CPSF1: variants seen among roughly 807,000 people sequenced by gnomAD.
CPSF1 encodes cleavage and polyadenylation specific factor 1, also known as cleavage and polyadenylation specificity factor subunit 1.
CPSF1 carries 106 observed loss-of-function variants against 175.8 expected under a neutral mutation model. The observed-to-expected ratio is 0.60, with a 90% confidence interval of 0.52 to 0.71. CPSF1 has a LOEUF of 0.71. CPSF1 is among the 30% of genes least tolerant of loss of function. The pLI is 0.00. For missense variants in CPSF1, 1,734 were observed against 2,022.9 expected (o/e 0.86, Z 2.74); for synonymous variants, 1,024 against 858.3 (o/e 1.19, Z -3.37).
chr8:144,408,336 T>C (rs2116910721), intron 2 of CPSF1, among the ~76,000 whole-genome samples: 4 of 152,108 alleles, frequency 2.6e-5, no homozygotes, highest in Non-Finnish European at 5.9e-5. Flanking sequence ...GGGTAAGAGG[T>C]ACTCCTCCCT....
rs1586604263 is a variant in CPSF1, at chr8:144,393,265, A to T, written c.*53T>A. 1 of 1,450,656 alleles carries T rather than the reference A, an allele frequency of 6.9e-7. No individual in the cohort carries two copies. The highest frequency in any genetic ancestry group is 2.5e-5 in the East Asian group (1 of 40,008). 89.9% of individuals were successfully genotyped at this position (1,450,656 alleles called of 1,614,324 possible). ...AAATGTTTTTCCTTGTGTTTTGTAC[A>T]AAAAGGGGGTGGGAGGTAGTTCCGT... On this transcript the variant is annotated 3_prime_UTR_variant, in exon 38 of 38. Transcript: ENST00000616140.
At chr8:144,403,695 G>A (rs1360637299) in intron 2 of CPSF1, among the ~76,000 whole-genome samples, 1 of 143,834 alleles carries the variant, frequency 7.0e-6, no homozygotes, top group East Asian at 2.2e-4. Flanking sequence ...TGGGATTACA[G>A]GCATGTGCTA....
Position 144,400,090 on chromosome 8 carries a change from G to T in CPSF1, c.938-5C>A, listed in dbSNP as rs2116869980. ...TCCGCACACCCTCCTGGGTGCCTGT[G>T]GGGTGGGTGGTCAGGCCGACTAGGC... On this transcript the variant is annotated splice_polypyrimidine_tract_variant and splice_region_variant and intron_variant, in intron 9 of 37. Coordinates refer to ENST00000616140, the MANE Select transcript of CPSF1 (RefSeq NM_013291.3). The T allele has an allele frequency of 1.2e-6, 2 of 1,610,750 alleles. No homozygotes were observed. The highest frequency in any genetic ancestry group is 1.7e-6 in the Non-Finnish European group (2 of 1,179,234).
At position 144,401,058 on chromosome 8, in the gene CPSF1, A is replaced by G. The variant is rs1821174216; in HGVS notation, c.405T>C (p.Asn135=). The change falls in exon 6 of 38, where the codon AAT becomes AAC. Residue 135 remains asparagine, a synonymous_variant. Coordinates refer to ENST00000616140, the MANE Select transcript of CPSF1 (RefSeq NM_013291.3). The part of the protein sequence containing the change: ...EPELRDGFVQ[N]VHTPRVRVDP... ...CCACCCGCACTCGCGGCGTGTGTAC[A>G]TTCTGCACAAACCCGTCCTGGGGGC... The G allele has an allele frequency of 3.1e-6, 5 of 1,607,444 alleles. No homozygotes were observed. The highest frequency in any genetic ancestry group is 1.3e-5 in the African/African-American group (1 of 74,946).
intron 30 of CPSF1, 23 bp downstream of exon 30, chr8:144,394,859 G>A (rs374391037): frequency 2.9e-5 from 47 of 1,611,530 alleles, no homozygotes; most frequent in African/African-American, 5.3e-5. Flanking sequence ...GCCAGTTCCC[G>A]CCCCCGCTCA....
In CPSF1 at chr8:144,400,296, G is replaced by C; in HGVS notation, c.827-20C>G. 6.2e-7 allele frequency: 1 copy of C among 1,609,034 alleles called. No individual in the cohort carries two copies. The highest frequency in any genetic ancestry group is 8.5e-7 in the Non-Finnish European group (1 of 1,176,378). ...CCCCACCTGGAGGTGGACACAGGCT[G>C]GTGGGCAGGCTCAGTGCTCTCTCCA... On this transcript the variant is annotated intron_variant, in intron 8 of 37. Coordinates refer to ENST00000616140, the MANE Select transcript of CPSF1 (RefSeq NM_013291.3).
At chr8:144,406,233 C>T (rs186369893) in intron 2 of CPSF1, among the ~76,000 whole-genome samples, 64 of 152,334 alleles carry the variant, frequency 4.2e-4, no homozygotes, top group Admixed American at 2.9e-3. Flanking sequence ...CTTCAGTTTA[C>T]GCACATCTCC....
In CPSF1 at chr8:144,397,191, G is replaced by A. The variant is rs1481457574; in HGVS notation, c.2592+16C>T. On this transcript the variant is annotated intron_variant, in intron 23 of 37. Transcript: ENST00000616140. The stretch of plus-strand genomic sequence containing the variant: ...GGGGGAAGATGGGAAGGGGAGGCCA[G>A]GCCAGGCGCACTCACCAGCAGGTAG... 1.3e-6 allele frequency: 2 copies of A among 1,526,854 alleles called. No homozygotes were observed. The highest frequency in any genetic ancestry group is 2.8e-5 in the African/African-American group (2 of 72,708). 94.6% of individuals were successfully genotyped at this position (1,526,854 alleles called of 1,614,324 possible). A position where few individuals can be genotyped will look rare whatever the true frequency, so the allele number is the denominator to read the frequency against.
In CPSF1 at chr8:144,393,341, C is replaced by A; in HGVS notation, c.4309G>T (p.Asp1437Tyr). Residue 1437 changes from aspartate (D) to tyrosine (Y), a missense_variant, in exon 38 of 38, where the codon GAC (aspartate) becomes TAC (tyrosine). Physicochemically the swap from Asp to Tyr is radical, Grantham distance 160. Around this residue, in one of 10 missense-constraint regions of CPSF1, gnomAD observed 323 missense variants for 338.5 expected, o/e 0.95. Coordinates refer to ENST00000616140, the MANE Select transcript of CPSF1 (RefSeq NM_013291.3). ...GGCTAGAAGTGGGCGGTGACGCGGT[C>A]CGTCTCCAGCAAGTCGTCCAGGATC... ...DIILDDLLET[D>Y]RVTAHF is the part of the protein sequence containing the mutation. The A allele has an allele frequency of 6.7e-7, 1 of 1,490,416 alleles. No homozygotes were observed. The highest frequency in any genetic ancestry group is 1.3e-5 in the South Asian group (1 of 75,326). 92.3% of individuals were successfully genotyped at this position (1,490,416 alleles called of 1,614,324 possible).
In CPSF1 at chr8:144,400,810, A is replaced by AC; in HGVS notation, c.546dup (p.Ser183ValfsTer40). 1 of 1,613,542 alleles carries AC rather than the reference A, an allele frequency of 6.2e-7. No homozygotes were observed. The highest frequency in any genetic ancestry group is 8.5e-7 in the Non-Finnish European group (1 of 1,179,902). On this transcript the variant is annotated frameshift_variant, in exon 7 of 38. Transcript: ENST00000616140. LOFTEE classifies it high-confidence loss of function. ...ATGATGTAGCTGGGCAGGAAGCTGG[A>AC]CCTCTGCCTGGGGGGCCAGGGGCTT...
At chr8:144,407,495 AAT>A (rs1181262509) in intron 2 of CPSF1, among the ~76,000 whole-genome samples, 1 of 152,088 alleles carries the variant, frequency 6.6e-6, no homozygotes, top group Non-Finnish European at 1.5e-5. Context: ...CAGCCTGGCC[AAT>A]GTGGCGAAAC....
chr8:144,406,785 A>G (rs1057211337), intron 2 of CPSF1, among the ~76,000 whole-genome samples: 1 of 152,112 alleles, frequency 6.6e-6, no homozygotes, highest in African/African-American at 2.4e-5. Context: ...ACCTCAGCCA[A>G]TCTACGGTGG....
In CPSF1 at chr8:144,399,222, A is replaced by G; in HGVS notation, c.1393-20T>C. 1.2e-6 allele frequency: 2 copies of G among 1,611,428 alleles called. No homozygotes were observed. The highest frequency in any genetic ancestry group is 1.7e-6 in the Non-Finnish European group (2 of 1,179,444). On this transcript the variant is annotated intron_variant, in intron 14 of 37. Transcript: ENST00000616140. The surrounding 1 kb of genome is among the most constrained non-coding windows in gnomAD (Gnocchi z 6.4). ...ACACACCTGCGGCACAGCAAGAGTC[A>G]GGGGCCCGCTGGGGGCGCTGGCTGG...
chr8:144,394,382 C>T lies in CPSF1; in HGVS notation c.3741G>A (p.Ser1247=), dbSNP rs144427195. 96 of 1,603,274 alleles carry T rather than the reference C, an allele frequency of 6.0e-5. No individual in the cohort carries two copies. In the South Asian group the frequency reaches 7.9e-4, roughly 13 times the overall value. ...QEESKTLSLV[S]RDAKPLEVYS... ...AGCACCGCCGCCACAGGTGTACCCG[C>T]GACACCAGGCTCAGCGTCTTGCTTT... The change falls in exon 32 of 38, where the codon TCG becomes TCA. Residue 1247 remains serine (S), a synonymous_variant. Coordinates refer to ENST00000616140, the MANE Select transcript of CPSF1 (RefSeq NM_013291.3).
rs923716907 is a variant in CPSF1 at position 144,397,241 on chromosome 8, G to A, written c.2558C>T (p.Ala853Val). The change falls in exon 23 of 38, where the codon GCG (alanine) becomes GTG (valine). Residue 853 changes from alanine to valine, a missense_variant. Physicochemically the swap from Ala to Val is moderately conservative, Grantham distance 64. This residue lies in a region of CPSF1 where 585 missense variants were observed against 584.7 expected (regional missense o/e 1.00). Coordinates refer to ENST00000616140, the MANE Select transcript of CPSF1 (RefSeq NM_013291.3). ...GGGCCTGCTCTGGCGGCTGCCCAGCGCCACCAGCAGCACCTCCTTGACGAG... is the reference window on the plus strand; with the variant it reads ...GGGCCTGCTCTGGCGGCTGCCCAGCACCACCAGCAGCACCTCCTTGACGAG... ...LPLVKEVLLV[A>V]LGSRQSRPYL... 25 of 1,548,994 alleles carry A rather than the reference G, an allele frequency of 1.6e-5. No individual in the cohort carries two copies. Among genetic ancestry groups the A allele is most frequent in the Admixed American group, 5.8e-5 (3 of 51,458 alleles).
In CPSF1 at chr8:144,397,872, T is replaced by C. The variant is rs1246770693; in HGVS notation, c.2081A>G (p.Lys694Arg). The C allele has an allele frequency of 1.9e-5, 31 of 1,607,024 alleles. No individual in the cohort carries two copies. In the East Asian group the frequency reaches 6.9e-4, roughly 36 times the overall value. Reference sequence around the variant, plus strand: ...TCGGTACAGGCACAGCGTAATCACCTTGGACTGCTGCGGGGAGAGGGGTGG... The same window carrying C: ...TCGGTACAGGCACAGCGTAATCACCCTGGACTGCTGCGGGGAGAGGGGTGG... ...LHKPPLHHQS[K>R]VITLCLYRDL... Residue 694 changes from lysine (K) to arginine (R), a missense_variant, in exon 21 of 38, where the codon AAG (lysine) becomes AGG (arginine). Transcript: ENST00000616140.
rs782075790 is a variant in CPSF1 at position 144,393,811 on chromosome 8, G to T, written c.4016-15C>A. 1 of 1,600,764 alleles carries T rather than the reference G, an allele frequency of 6.2e-7. No homozygotes were observed. The highest frequency in any genetic ancestry group is 1.3e-5 in the African/African-American group (1 of 74,966). ...GTCCAGGGTGGCTGGCAGGGGTAGG[G>T]TGAGGGTTTTGGTGTGAGCCAGGCC... is the stretch of plus-strand genomic sequence containing the variant. On this transcript the variant is annotated splice_polypyrimidine_tract_variant and intron_variant, in intron 35 of 37. Coordinates refer to ENST00000616140, the MANE Select transcript of CPSF1 (RefSeq NM_013291.3).
chr8:144,409,022 T>A lies in CPSF1; in HGVS notation c.137A>T (p.Asp46Val). 6.2e-7 allele frequency: 1 copy of A among 1,612,920 alleles called. No homozygotes were observed. Among genetic ancestry groups the A allele is most frequent in the Non-Finnish European group, 8.5e-7 (1 of 1,179,640 alleles). ...SQLYVYRLNR[D>V]AEALTKNDRS... Reference sequence around the variant, plus strand: ...TCCCAGGGCCCGACCTACCTCGGCGTCGCGGTTGAGGCGGTACACGTAGAG... The same window carrying A: ...TCCCAGGGCCCGACCTACCTCGGCGACGCGGTTGAGGCGGTACACGTAGAG... Residue 46 changes from aspartate (D) to valine (V), a missense_variant, in exon 2 of 38, where the codon GAC (aspartate) becomes GTC (valine). Coordinates refer to ENST00000616140, the MANE Select transcript of CPSF1 (RefSeq NM_013291.3).
Position 144,394,845 on chromosome 8 carries a change from G to A in CPSF1, c.3414+37C>T, listed in dbSNP as rs372504107. Reference sequence around the variant, plus strand: ...GGGATGGCTGTGGGGATGGCAGAGGGGCTGCCAGTTCCCGCCCCCGCTCAC... The same window carrying A: ...GGGATGGCTGTGGGGATGGCAGAGGAGCTGCCAGTTCCCGCCCCCGCTCAC... On this transcript the variant is annotated intron_variant, in intron 30 of 37. Coordinates refer to ENST00000616140, the MANE Select transcript of CPSF1 (RefSeq NM_013291.3). 43 of 1,611,926 alleles carry A rather than the reference G, an allele frequency of 2.7e-5. No homozygotes were observed. In the African/African-American group the frequency reaches 4.1e-4, roughly 16 times the overall value.
Sources: allele counts gnomAD v4.1 joint callset (sites outside exome capture counted in the v4.1 genomes callset), GRCh38; gene constraint gnomAD v4.1.1; regional missense constraint gnomAD v4.1.1; non-coding constraint Gnocchi (gnomAD v3.1); transcripts MANE v1.5; gene names NCBI Gene and HGNC (gene_info 2026-07-23, HGNC 2026-07-21).